Variants in CHURC1 observed in about 807,000 individuals in gnomAD.
CHURC1 encodes churchill domain containing 1.
A neutral mutation model predicts 15.4 loss-of-function variants in CHURC1; 12 were observed. The observed-to-expected ratio is 0.78, with a 90% CI of 0.50 to 1.27. The LOEUF (loss-of-function observed/expected upper bound fraction) is 1.27, where lower values mean the gene tolerates loss of function less well. Ranked by LOEUF, CHURC1 falls within the 50% of genes most tolerant of loss-of-function variation. CHURC1 has a pLI of 0.00. For synonymous variants in CHURC1, 42 were observed against 47.5 expected, an observed-to-expected ratio of 0.88 and a Z score of 0.48; for missense variants, 132 against 137.8, an observed-to-expected ratio of 0.96 and a Z score of 0.21.
chr14:64,927,930 T>C (rs1884835700), intron 3 of CHURC1, among the ~76,000 whole-genome samples: 1 of 151,974 alleles, frequency 6.6e-6, no homozygotes, highest in African/African-American at 2.4e-5. Flanking sequence ...ATAAATACTT[T>C]TGGGTGACCT....
chr14:64,933,516 T>TGG lies in CHURC1; in HGVS notation c.*1286_*1287insGG. The TGG allele has an allele frequency of 1.0e-6, 1 of 981,940 alleles. No individual in the cohort carries two copies. Among genetic ancestry groups the TGG allele is most frequent in the Non-Finnish European group, 1.2e-6 (1 of 826,744 alleles). 60.8% of individuals were successfully genotyped at this position (981,940 alleles called of 1,614,324 possible). A position where few individuals can be genotyped will look rare whatever the true frequency, so the allele number is the denominator to read the frequency against. On this transcript the variant is annotated 3_prime_UTR_variant, in exon 4 of 4. Transcript: ENST00000549115. ...ATTAAGCAAAGCATTACTCTGGACT[T>TGG]TATTGTCCTGTTTCTATCAAATTGG... is the stretch of plus-strand genomic sequence containing the variant.
Position 64,933,990 on chromosome 14 carries a change from T to G in CHURC1, c.*1760T>G. On this transcript the variant is annotated 3_prime_UTR_variant, in exon 4 of 4. Coordinates refer to ENST00000549115, the MANE Select transcript of CHURC1 (RefSeq NM_001386928.1). ...GTAAGTTATCATGAAAAGGTTTATA[T>G]TCACTATTCTTTATTTCAGTGTAGC... 1.0e-6 allele frequency: 1 copy of G among 985,382 alleles called. No homozygotes were observed. Among genetic ancestry groups the G allele is most frequent in the Non-Finnish European group, 1.2e-6 (1 of 829,876 alleles). The allele number at this position is 985,382 out of a possible 1,614,324, so 61.0% of individuals were successfully genotyped here.
intron 3 of CHURC1, 127 bp downstream of exon 3, chr14:64,926,207 A>C: frequency 3.2e-6 from 1 of 309,720 alleles, no homozygotes; most frequent in Non-Finnish European, 5.5e-6. Context: ...AAAGGAGACT[A>C]TGCCTTTTTT....
intron 1 of CHURC1, among the ~76,000 whole-genome samples, chr14:64,915,388 G>C (rs1883808348): frequency 6.6e-6 from 1 of 152,238 alleles, no homozygotes; most frequent in African/African-American, 2.4e-5. Flanking sequence ...AACAAAAAAT[G>C]AGTAGCTCAG....
In CHURC1 at chr14:64,933,797, A is replaced by G. The variant is rs1885203507; in HGVS notation, c.*1567A>G. The G allele has an allele frequency of 1.0e-6, 1 of 985,320 alleles. No individual in the cohort carries two copies. Among genetic ancestry groups the G allele is most frequent in the Non-Finnish European group, 1.2e-6 (1 of 829,924 alleles). 61.0% of individuals were successfully genotyped at this position (985,320 alleles called of 1,614,324 possible). On this transcript the variant is annotated 3_prime_UTR_variant, in exon 4 of 4. Transcript: ENST00000549115. ...AATGAGCAAAGTGTTCATTGTAGAT[A>G]CTAGGGAAAAGCTTTGTTGAATAAC...
At chr14:64,920,087 T>C (rs1200001944) in intron 1 of CHURC1, among the ~76,000 whole-genome samples, 2 of 152,154 alleles carry the variant, frequency 1.3e-5, no homozygotes, top group African/African-American at 2.4e-5. Context: ...ATACATTAGC[T>C]ATTAACTTGT....
chr14:64,916,105 T>TTA (rs1883864495), intron 1 of CHURC1, among the ~76,000 whole-genome samples: 1 of 152,212 alleles, frequency 6.6e-6, no homozygotes, highest in South Asian at 2.1e-4. Flanking sequence ...AAACCCTGAA[T>TTA]TATAGCCGTG....
intron 1 of CHURC1, among the ~76,000 whole-genome samples, chr14:64,919,221 A>G (rs958948949): frequency 6.6e-5 from 10 of 152,356 alleles, no homozygotes; most frequent in Non-Finnish European, 1.5e-4. Context: ...AATATTTTTC[A>G]TATCAAACTG....
rs928344723 is a variant in CHURC1 at position 64,932,025 on chromosome 14, A to G, written c.247-113A>G. 34 of 1,338,162 alleles carry G rather than the reference A, an allele frequency of 2.5e-5. 1 individual carries two copies. The East Asian group carries it at 7.4e-4, about 29-fold the overall frequency. The allele number at this position is 1,338,162 out of a possible 1,614,324, so 82.9% of individuals were successfully genotyped here. A position where few individuals can be genotyped will look rare whatever the true frequency, so the allele number is the denominator to read the frequency against. On this transcript the variant is annotated intron_variant, in intron 3 of 3. Coordinates refer to ENST00000549115, the MANE Select transcript of CHURC1 (RefSeq NM_001386928.1). ...GATACATGTTGAAGAAATTGATCCA[A>G]TGTACAGAAAGAATATTCATGACAA...
In CHURC1 at chr14:64,934,521, T is replaced by A; in HGVS notation, c.*2291T>A. The A allele has an allele frequency of 1.0e-6, 1 of 985,438 alleles. No homozygotes were observed. The highest frequency in any genetic ancestry group is 1.2e-6 in the Non-Finnish European group (1 of 829,914). 61.0% of individuals were successfully genotyped at this position (985,438 alleles called of 1,614,324 possible). A position where few individuals can be genotyped will look rare whatever the true frequency, so the allele number is the denominator to read the frequency against. On this transcript the variant is annotated 3_prime_UTR_variant, in exon 4 of 4. Transcript: ENST00000549115. ...ATATCAGTGACAGTACTCTGAGGCA[T>A]CTGGGCATGTCAGATGAAGATTTAT...
intron 2 of CHURC1, among the ~76,000 whole-genome samples, chr14:64,924,729 T>C (rs1300246259): frequency 6.6e-6 from 1 of 152,212 alleles, no homozygotes; most frequent in African/African-American, 2.4e-5. Context: ...AAATAAACTA[T>C]GTATAAAAAA....
chr14:64,933,208 C>G lies in CHURC1; in HGVS notation c.*978C>G, dbSNP rs1210458886. ...CAAGGCCATAAAAAACAAGGAAAATCTGAGACATGGTCACAGCCAAGAGGA... is the reference window on the plus strand; with the variant it reads ...CAAGGCCATAAAAAACAAGGAAAATGTGAGACATGGTCACAGCCAAGAGGA... On this transcript the variant is annotated 3_prime_UTR_variant, in exon 4 of 4. Coordinates refer to ENST00000549115, the MANE Select transcript of CHURC1 (RefSeq NM_001386928.1). 3 of 212,412 alleles carry G rather than the reference C, an allele frequency of 1.4e-5. No homozygotes were observed. The highest frequency in any genetic ancestry group is 2.4e-5 in the Non-Finnish European group (3 of 122,784). The allele number at this position is 212,412 out of a possible 1,614,324, so 13.2% of individuals were successfully genotyped here. A position where few individuals can be genotyped will look rare whatever the true frequency, so the allele number is the denominator to read the frequency against.
At chr14:64,926,984 G>A (rs1566830487) in intron 3 of CHURC1, among the ~76,000 whole-genome samples, 1 of 152,170 alleles carries the variant, frequency 6.6e-6, no homozygotes, top group Non-Finnish European at 1.5e-5. Flanking sequence ...CCTTCAGGTT[G>A]AGTTACTTAT....
intron 1 of CHURC1, among the ~76,000 whole-genome samples, chr14:64,922,777 A>G (rs1267781314): frequency 1.3e-5 from 2 of 152,000 alleles, no homozygotes; most frequent in African/African-American, 4.8e-5. Flanking sequence ...AGATTCCTCA[A>G]TATATAGAAG....
chr14:64,914,916 T>C (rs1883758035), intron 1 of CHURC1, among the ~76,000 whole-genome samples: 1 of 152,226 alleles, frequency 6.6e-6, no homozygotes, highest in African/African-American at 2.4e-5. Context: ...TGTGGTCATC[T>C]GTTCTAACAC....
chr14:64,925,122 G>C (rs1338038967), intron 2 of CHURC1, among the ~76,000 whole-genome samples: 1 of 152,114 alleles, frequency 6.6e-6, no homozygotes. Flanking sequence ...TGGCTCAGTC[G>C]TCTTGCTAGT....
chr14:64,931,313 C>T (rs1311505817), intron 3 of CHURC1, among the ~76,000 whole-genome samples: 1 of 152,114 alleles, frequency 6.6e-6, no homozygotes, highest in Non-Finnish European at 1.5e-5. Context: ...GTGGGAGGAT[C>T]ACTTGAGCAT....
chr14:64,920,231 C>T (rs1034978389), intron 1 of CHURC1, among the ~76,000 whole-genome samples: 2 of 152,154 alleles, frequency 1.3e-5, no homozygotes, highest in African/African-American at 2.4e-5. Flanking sequence ...TTCTTGCACA[C>T]TTGTATACCT....
At position 64,923,984 on chromosome 14, in the gene CHURC1, AT is replaced by A. The variant is rs751686250; in HGVS notation, c.40-3del. The stretch of plus-strand genomic sequence containing the variant: ...AAGAAATTAAATTCCTGTTTCTGAT[AT>A]TTTAGGGTAATACCTGCCTGGAGAA... On this transcript the variant is annotated splice_polypyrimidine_tract_variant and splice_region_variant and intron_variant, in intron 1 of 3. Coordinates refer to ENST00000549115, the MANE Select transcript of CHURC1 (RefSeq NM_001386928.1). The A allele has an allele frequency of 1.3e-6, 2 of 1,522,492 alleles. No individual in the cohort carries two copies. The highest frequency in any genetic ancestry group is 1.4e-5 in the African/African-American group (1 of 71,798). The allele number at this position is 1,522,492 out of a possible 1,614,324, so 94.3% of individuals were successfully genotyped here.
Sources: gnomAD v4.1 joint callset for allele counts (sites outside exome capture counted in the v4.1 genomes callset) on GRCh38, gnomAD v4.1.1 for gene constraint, MANE v1.5 for transcripts, NCBI Gene and HGNC (gene_info 2026-07-23, HGNC 2026-07-21) for gene names.